Variants in TNS1 observed in about 807,000 individuals in gnomAD.
The protein encoded by TNS1 is tensin-1.
Under a neutral mutation model 168.6 loss-of-function variants are expected in TNS1, and 62 were observed. The observed-to-expected ratio is 0.37, with a 90% CI of 0.30 to 0.45. The LOEUF (loss-of-function observed/expected upper bound fraction) is 0.45. TNS1 is among the 20% of genes least tolerant of loss of function. The pLI is 1.00. For missense variants in TNS1, 2,240 were observed against 2,339.4 expected, an observed-to-expected ratio of 0.96 and a Z score of 0.88; for synonymous variants, 934 against 933.2, an observed-to-expected ratio of 1.00 and a Z score of -0.02.
At position 217,848,393 on chromosome 2, in the gene TNS1, A is replaced by G; in HGVS notation, c.2124T>C (p.Ser708=). The change falls in exon 19 of 33, where the codon TCT becomes TCC. Residue 708 remains serine (S), a synonymous_variant. Transcript: ENST00000682258. ...GGTAGCCAGCTAAACCCTCCTGTGC[A>G]GAGTAGGAGGGCCGCATGGGGGCCG... is the stretch of plus-strand genomic sequence containing the variant. ...GHTAPMRPSY[S]AQEGLAGYQR... 1 of 1,572,490 alleles carries G rather than the reference A, an allele frequency of 6.4e-7. No individual in the cohort carries two copies. The highest frequency in any genetic ancestry group is 8.6e-7 in the Non-Finnish European group (1 of 1,157,868).
chr2:217,990,082 A>AC (rs747810980), intron 2 of TNS1, among the ~76,000 whole-genome samples: 23 of 148,260 alleles, frequency 1.6e-4, no homozygotes, highest in Admixed American at 6.0e-4. Flanking sequence ...CCATCCACAC[A>AC]CCAGCCACGG....
rs1950570117 is a variant in TNS1 at position 217,880,330 on chromosome 2, T to G, written c.1429+568A>C. Among the ~76,000 whole-genome samples, 1 of 152,204 alleles carries G rather than the reference T, an allele frequency of 6.6e-6. No homozygotes were observed. The highest frequency in any genetic ancestry group is 1.5e-5 in the Non-Finnish European group (1 of 68,032). ...CAATTCTGCTGCTTTCTTTTCAAAT[T>G]TCAGAGCCTATCAGTTTGTTCCCAG... On this transcript the variant is annotated intron_variant, in intron 18 of 32. Transcript: ENST00000682258. The surrounding 1 kb of genome is among the most constrained non-coding windows in gnomAD (Gnocchi z 4.2).
chr2:217,938,512 G>C (rs1045121256), intron 3 of TNS1, among the ~76,000 whole-genome samples: 24 of 152,218 alleles, frequency 1.6e-4, no homozygotes, highest in African/African-American at 5.5e-4. Flanking sequence ...GCATCAAGAG[G>C]AATGCCAGTT....
chr2:217,823,768 CG>C, intron 22 of TNS1, among the ~76,000 whole-genome samples: 1 of 152,316 alleles, frequency 6.6e-6, no homozygotes, highest in South Asian at 2.1e-4. Flanking sequence ...GAGGCAGGCA[CG>C]GGAGGTCTAT....
intron 4 of TNS1, among the ~76,000 whole-genome samples, chr2:217,909,341 C>T (rs1268493764): frequency 6.6e-6 from 1 of 152,162 alleles, no homozygotes; most frequent in African/African-American, 2.4e-5. Context: ...TCACTCCTGA[C>T]CTGTCCGCTA....
intron 8 of TNS1, among the ~76,000 whole-genome samples, chr2:217,895,818 A>C (rs112550048): frequency 9.2e-5 from 14 of 152,242 alleles, no homozygotes; most frequent in African/African-American, 3.4e-4. Flanking sequence ...CCCACTGCCT[A>C]GGAAACTCAA....
chr2:217,880,938 G>C lies in TNS1; in HGVS notation c.1389C>G (p.Ser463=). 2 of 1,614,090 alleles carry C rather than the reference G, an allele frequency of 1.2e-6. No individual in the cohort carries two copies. Among genetic ancestry groups the C allele is most frequent in the Non-Finnish European group, 1.7e-6 (2 of 1,180,006 alleles). ...CTCGATGCCCACTGAAGTTGTCGTA[G>C]GAGTCCCAGCGGATGAGGGGGTCGG... The part of the protein sequence containing the change: ...NTSDPLIRWD[S]YDNFSGHRDD... Residue 463 remains serine, a synonymous_variant, in exon 18 of 33, where the codon TCC becomes TCG. Coordinates refer to ENST00000682258, the MANE Select transcript of TNS1 (RefSeq NM_001387777.1). The surrounding 1 kb of genome is among the most constrained non-coding windows in gnomAD (Gnocchi z 4.2).
Position 217,951,826 on chromosome 2 carries a change from C to G in TNS1, c.186+26939G>C, listed in dbSNP as rs1481339688. 2.0e-5 allele frequency among the ~76,000 whole-genome samples: 3 copies of G among 152,262 alleles called. No individual in the cohort carries two copies. The East Asian group carries it at 5.8e-4, about 29-fold the overall frequency. On this transcript the variant is annotated intron_variant, in intron 3 of 32. Transcript: ENST00000682258. Reference sequence around the variant, plus strand: ...TCTCCCATAGTGGTAGCTTCACAGGCTAGACGTCCCCAGGTTTTTCAGTTT... The same window carrying G: ...TCTCCCATAGTGGTAGCTTCACAGGGTAGACGTCCCCAGGTTTTTCAGTTT...
intron 18 of TNS1, among the ~76,000 whole-genome samples, chr2:217,870,566 G>A (rs556975835): frequency 1.1e-4 from 17 of 152,322 alleles, no homozygotes; most frequent in South Asian, 4.1e-4. Context: ...CAGGGAGGGA[G>A]GCTGAGGGGG....
chr2:217,886,814 C>T (rs528728295), intron 12 of TNS1, among the ~76,000 whole-genome samples, 168 bp from the exon 13 acceptor site: 20 of 152,240 alleles, frequency 1.3e-4, no homozygotes, highest in Middle Eastern at 6.8e-3. Flanking sequence ...ACATGCTTGC[C>T]TGCTGCTGGG....
At chr2:217,891,115 T>C in intron 11 of TNS1, 70 bp from the exon 12 acceptor site, 1 of 1,503,182 alleles carries the variant, frequency 6.7e-7, no homozygotes, top group Non-Finnish European at 9.2e-7. Flanking sequence ...TCCCCACCCC[T>C]GCTCCCTCAG....
At chr2:217,917,998 GAGA>G (rs1955269138) in intron 4 of TNS1, among the ~76,000 whole-genome samples, 2 of 152,118 alleles carry the variant, frequency 1.3e-5, no homozygotes. Flanking sequence ...GTGAGGTGCT[GAGA>G]AGGAGATGAG....
At chr2:217,859,602 C>T (rs1167254954) in intron 18 of TNS1, 1 of 1,529,566 alleles carries the variant, frequency 6.5e-7, no homozygotes, top group Non-Finnish European at 8.8e-7. Context: ...GAGGGCCTAA[C>T]TTTGGGAAGG....
At chr2:217,826,767 A>G (rs985004703) in intron 22 of TNS1, among the ~76,000 whole-genome samples, 3 of 152,166 alleles carry the variant, frequency 2.0e-5, no homozygotes, top group Non-Finnish European at 4.4e-5. Flanking sequence ...CTTCATGTAG[A>G]ACATTCCAGG....
chr2:217,815,847 G>A (rs2161969), intron 24 of TNS1, among the ~76,000 whole-genome samples: 63,923 of 151,832 alleles, frequency 0.42, 14,153 homozygotes, highest in Middle Eastern at 0.53. Context: ...CCACAGGGAA[G>A]GCCTATGTTC....
chr2:217,922,833 C>T lies in TNS1; in HGVS notation c.187-2597G>A, dbSNP rs560156729. 2.0e-5 allele frequency among the ~76,000 whole-genome samples: 3 copies of T among 152,390 alleles called. No individual in the cohort carries two copies. In the East Asian group the frequency reaches 5.8e-4, roughly 29 times the overall value. On this transcript the variant is annotated intron_variant, in intron 3 of 32. Coordinates refer to ENST00000682258, the MANE Select transcript of TNS1 (RefSeq NM_001387777.1). Reference sequence around the variant, plus strand: ...CTTGGTGCCCCCTCGTGGCCTGCCACCCCCGACGGCGTCCTCCATCCTCCG... The same window carrying T: ...CTTGGTGCCCCCTCGTGGCCTGCCATCCCCGACGGCGTCCTCCATCCTCCG...
chr2:217,893,369 GGC>G, intron 10 of TNS1, 68 bp downstream of exon 10: 1 of 1,508,882 alleles, frequency 6.6e-7, no homozygotes. Flanking sequence ...GACACATTCA[GGC>G]ACACACACAT....
At chr2:217,927,081 C>G (rs754053347) in intron 3 of TNS1, among the ~76,000 whole-genome samples, 4 of 152,220 alleles carry the variant, frequency 2.6e-5, no homozygotes, top group Non-Finnish European at 5.9e-5. Context: ...CTGAAAGCCC[C>G]GAGAGCAGGC....
At chr2:217,893,912 A>G in intron 9 of TNS1, among the ~76,000 whole-genome samples, 1 of 152,242 alleles carries the variant, frequency 6.6e-6, no homozygotes, top group East Asian at 1.9e-4. Flanking sequence ...GGTCCCTACC[A>G]TAGGACTGAC....
Sources: gnomAD v4.1 joint callset for allele counts (sites outside exome capture counted in the v4.1 genomes callset) on GRCh38, gnomAD v4.1.1 for gene constraint, Gnocchi (gnomAD v3.1) non-coding constraint, MANE v1.5 for transcripts, NCBI Gene and HGNC (gene_info 2026-07-23, HGNC 2026-07-21) for gene names.